Variants in STXBP5L observed in about 807,000 individuals in gnomAD.
The protein encoded by STXBP5L is syntaxin binding protein 5L, also known as syntaxin-binding protein 5-like.
Under a neutral mutation model 144.5 loss-of-function variants are expected in STXBP5L, and 65 were observed. That is an observed-to-expected ratio of 0.45 (90% CI 0.37 to 0.55). The LOEUF (loss-of-function observed/expected upper bound fraction) is 0.55. STXBP5L is among the 20% of genes least tolerant of loss of function. The pLI is 0.00. For missense variants in STXBP5L, 1,298 were observed against 1,405.5 expected, an observed-to-expected ratio of 0.92 and a Z score of 1.22; for synonymous variants, 505 against 469.6, an observed-to-expected ratio of 1.08 and a Z score of -0.97.
At chr3:121,288,844 T>A (rs1228160404) in intron 19 of STXBP5L, among the ~76,000 whole-genome samples, 2 of 152,208 alleles carry the variant, frequency 1.3e-5, no homozygotes, top group Admixed American at 6.5e-5. Context: ...TTTAGTTTGA[T>A]TAGGTCCTAT....
At chr3:121,297,214 GT>G (rs2051692128) in intron 19 of STXBP5L, among the ~76,000 whole-genome samples, 1 of 145,630 alleles carries the variant, frequency 6.9e-6, no homozygotes, top group Non-Finnish European at 1.5e-5. Flanking sequence ...GTGTGTGTGT[GT>G]GTGTGTGTGT....
chr3:120,997,474 A>G (rs968727630), intron 3 of STXBP5L, among the ~76,000 whole-genome samples: 1 of 152,138 alleles, frequency 6.6e-6, no homozygotes, highest in Non-Finnish European at 1.5e-5. Flanking sequence ...ACTTTTCAAT[A>G]GCCATTCTGA....
intron 5 of STXBP5L, among the ~76,000 whole-genome samples, chr3:121,068,041 C>T (rs2041630473): frequency 6.6e-6 from 1 of 152,214 alleles, no homozygotes; most frequent in Admixed American, 6.5e-5. Context: ...GACGGAGTCT[C>T]ACTCTGTCAC....
At chr3:121,009,554 G>T (rs605537) in intron 3 of STXBP5L, among the ~76,000 whole-genome samples, 144,156 of 152,008 alleles carry the variant, frequency 0.95, 68,384 homozygotes, top group Non-Finnish European at 0.95. Context: ...CTTATGGAGA[G>T]GACCCATTTA....
intron 3 of STXBP5L, among the ~76,000 whole-genome samples, chr3:120,997,980 A>G (rs1478076681): frequency 6.6e-6 from 1 of 152,222 alleles, no homozygotes; most frequent in African/African-American, 2.4e-5. Context: ...AAAGACAAAA[A>G]CCACATGATC....
chr3:121,221,464 G>A (rs921474752), intron 10 of STXBP5L, among the ~76,000 whole-genome samples: 15 of 151,578 alleles, frequency 9.9e-5, no homozygotes, highest in African/African-American at 2.9e-4. Flanking sequence ...TTAATAGTAG[G>A]TAGTTAAGCT....
intron 3 of STXBP5L, among the ~76,000 whole-genome samples, chr3:121,023,927 T>G (rs985148980): frequency 1.3e-5 from 2 of 152,142 alleles, no homozygotes; most frequent in Non-Finnish European, 2.9e-5. Flanking sequence ...AGCTAATTTT[T>G]TTTTGTATTT....
chr3:121,019,528 G>T (rs1945394032), intron 3 of STXBP5L, among the ~76,000 whole-genome samples: 1 of 152,124 alleles, frequency 6.6e-6, no homozygotes, highest in Admixed American at 6.5e-5. Context: ...TCACTCCCCT[G>T]CCATCTCCAC....
chr3:121,202,288 C>T (rs1444216541), intron 9 of STXBP5L, among the ~76,000 whole-genome samples: 1 of 152,098 alleles, frequency 6.6e-6, no homozygotes, highest in Non-Finnish European at 1.5e-5. Context: ...ATTCAAATTA[C>T]CAACTGGTAT....
intron 20 of STXBP5L, among the ~76,000 whole-genome samples, chr3:121,376,988 C>G (rs895482354): frequency 1.3e-5 from 2 of 152,094 alleles, no homozygotes; most frequent in African/African-American, 4.8e-5. Context: ...CTCTTTGAAG[C>G]AATTGTGAAT....
At chr3:121,269,998 AT>A (rs1236676066) in intron 18 of STXBP5L, among the ~76,000 whole-genome samples, 1 of 152,180 alleles carries the variant, frequency 6.6e-6, no homozygotes, top group Non-Finnish European at 1.5e-5. Context: ...TTAGAAGTAA[AT>A]TGCATATCTC....
chr3:121,391,688 C>T (rs896980347), intron 22 of STXBP5L, among the ~76,000 whole-genome samples: 2 of 152,332 alleles, frequency 1.3e-5, no homozygotes, highest in African/African-American at 4.8e-5. Flanking sequence ...ACTCCAGACC[C>T]TGTTTGCCTT....
intron 2 of STXBP5L, among the ~76,000 whole-genome samples, chr3:120,912,460 T>C (rs781077270): frequency 1.3e-5 from 2 of 151,962 alleles, no homozygotes; most frequent in Non-Finnish European, 2.9e-5. Context: ...AAACTTTTTA[T>C]ATTTGTTTTT....
At chr3:121,240,136 G>A (rs149112631) in intron 13 of STXBP5L, among the ~76,000 whole-genome samples, 179 of 152,154 alleles carry the variant, frequency 1.2e-3, no homozygotes, top group African/African-American at 4.2e-3. Flanking sequence ...CAGTAGTTTG[G>A]TGGTACACAG....
chr3:121,045,571 CA>C (rs745448049), intron 5 of STXBP5L, 36 bp downstream of exon 5: 47 of 1,567,250 alleles, frequency 3.0e-5, no homozygotes, highest in South Asian at 2.2e-4. Flanking sequence ...TCTTAATGTA[CA>C]ACAAAATTAT....
intron 17 of STXBP5L, 127 bp downstream of exon 17, chr3:121,257,460 G>GTTA: frequency 1.3e-6 from 1 of 779,706 alleles, no homozygotes; most frequent in Non-Finnish European, 1.9e-6. Flanking sequence ...TTCTTCAGGG[G>GTTA]TTACTCTGGT....
chr3:121,319,570 A>C, intron 20 of STXBP5L, among the ~76,000 whole-genome samples: 1 of 151,950 alleles, frequency 6.6e-6, no homozygotes, highest in Admixed American at 6.6e-5. Flanking sequence ...TCATATGTTT[A>C]CCCTGCCTTT....
intron 10 of STXBP5L, among the ~76,000 whole-genome samples, chr3:121,209,119 C>T (rs895073044): frequency 1.4e-4 from 21 of 152,076 alleles, no homozygotes; most frequent in Non-Finnish European, 2.4e-4. Context: ...AATAGCTGCA[C>T]AGTATTATTC....
chr3:121,064,731 A>T (rs1474959809), intron 5 of STXBP5L, among the ~76,000 whole-genome samples: 10 of 152,214 alleles, frequency 6.6e-5, no homozygotes, highest in East Asian at 1.9e-4. Flanking sequence ...TTGATTTTTT[A>T]AAAAATGTCA....
Sources: allele counts gnomAD v4.1 joint callset (sites outside exome capture counted in the v4.1 genomes callset), GRCh38; gene constraint gnomAD v4.1.1; transcripts MANE v1.5; gene names NCBI Gene and HGNC (gene_info 2026-07-23, HGNC 2026-07-21).